ELP3: variants seen among roughly 807,000 people sequenced by gnomAD.
ELP3 encodes elongator complex protein 3.
Under a neutral mutation model 74.9 loss-of-function variants are expected in ELP3, and 56 were observed. That is an observed-to-expected ratio of 0.75 (90% CI 0.60 to 0.93). ELP3 has a LOEUF of 0.93. Among genes scored for constraint, ELP3 ranks in the 40% least tolerant of loss-of-function variants. The pLI is 0.00. For missense variants in ELP3, 573 were observed against 686.5 expected, an observed-to-expected ratio of 0.83 and a Z score of 1.85; for synonymous variants, 222 against 239.8, an observed-to-expected ratio of 0.93 and a Z score of 0.68.
chr8:28,130,069 A>G (rs968619794), intron 8 of ELP3, among the ~76,000 whole-genome samples: 1 of 152,214 alleles, frequency 6.6e-6, no homozygotes, highest in Non-Finnish European at 1.5e-5. Context: ...CCAACTAGCA[A>G]AAAGTTTGGT....
At chr8:28,092,534 G>A (rs141997162), upstream of ELP3, among the ~76,000 whole-genome samples, 30 of 152,230 alleles carry the variant, frequency 2.0e-4, no homozygotes, top group African/African-American at 6.3e-4. Flanking sequence ...CACTGCGCCC[G>A]GCCCTAAGCT....
chr8:28,091,167 A>C (rs1473382431), upstream of ELP3, among the ~76,000 whole-genome samples: 1 of 152,038 alleles, frequency 6.6e-6, no homozygotes, highest in Non-Finnish European at 1.5e-5. Context: ...CGGCCTCCCA[A>C]AGTGCTGGGA....
chr8:28,102,079 G>C (rs1455845447), intron 3 of ELP3, among the ~76,000 whole-genome samples: 1 of 152,096 alleles, frequency 6.6e-6, no homozygotes, highest in African/African-American at 2.4e-5. Flanking sequence ...GATGTTTTCT[G>C]TTGTCCTGGG....
At chr8:28,143,334 T>G (rs764630354) in intron 10 of ELP3, among the ~76,000 whole-genome samples, 1 of 152,244 alleles carries the variant, frequency 6.6e-6, no homozygotes, top group African/African-American at 2.4e-5. Context: ...CCAGAACTTA[T>G]GTTTCTTCCT....
chr8:28,129,057 A>G (rs1028529030), intron 7 of ELP3, among the ~76,000 whole-genome samples: 2 of 151,548 alleles, frequency 1.3e-5, no homozygotes, highest in African/African-American at 4.8e-5. Flanking sequence ...TTTTTCTTTC[A>G]TTTAAAATAT....
At chr8:28,160,183 G>T in intron 12 of ELP3, 46 bp from the exon 13 acceptor site, 1 of 1,546,866 alleles carries the variant, frequency 6.5e-7, no homozygotes. Flanking sequence ...AATGAATTTG[G>T]TTCTTTAATT....
At chr8:28,172,287 G>A in intron 14 of ELP3, among the ~76,000 whole-genome samples, 1 of 151,998 alleles carries the variant, frequency 6.6e-6, no homozygotes, top group Middle Eastern at 3.2e-3. Flanking sequence ...ATGAACACAG[G>A]ATATCCTTCC....
intron 10 of ELP3, among the ~76,000 whole-genome samples, chr8:28,154,524 T>C (rs1395906262): frequency 6.6e-6 from 1 of 152,210 alleles, no homozygotes; most frequent in Non-Finnish European, 1.5e-5. Flanking sequence ...ATCTATATGA[T>C]GTATAGCCAC....
At chr8:28,090,903 C>CTTTTTTTT (rs1563239681), upstream of ELP3, among the ~76,000 whole-genome samples, 2 of 53,146 alleles carry the variant, frequency 3.8e-5, 1 homozygote, top group Non-Finnish European at 7.1e-5. Context: ...GTAAATGTTT[C>CTTTTTTTT]CTTTTTTTTT....
intron 9 of ELP3, among the ~76,000 whole-genome samples, chr8:28,135,425 A>G (rs946724698): frequency 1.1e-4 from 16 of 152,160 alleles, no homozygotes; most frequent in African/African-American, 3.9e-4. Context: ...GAACTCTCCA[A>G]CTTCCTGCTT....
chr8:28,143,009 G>A lies in ELP3; in HGVS notation c.1100+5118G>A, dbSNP rs572939684. Among the ~76,000 whole-genome samples, 11 of 152,200 alleles carry A rather than the reference G, an allele frequency of 7.2e-5. No homozygotes were observed. In the East Asian group the frequency reaches 1.7e-3, roughly 24 times the overall value. The stretch of plus-strand genomic sequence containing the variant: ...CTAAACTATTACTCTGACTGCCTGC[G>A]TAAGAACTCATTCATATTTATTATA... On this transcript the variant is annotated intron_variant, in intron 10 of 14. Coordinates refer to ENST00000256398, the MANE Select transcript of ELP3 (RefSeq NM_018091.6).
chr8:28,188,927 G>A (rs564137327), intron 14 of ELP3, among the ~76,000 whole-genome samples: 3 of 152,040 alleles, frequency 2.0e-5, no homozygotes, highest in Admixed American at 6.6e-5. Flanking sequence ...GGGGCCTTGC[G>A]CTCATCAGAG....
At chr8:28,158,528 C>A (rs537228184) in intron 11 of ELP3, 40 bp from the exon 12 acceptor site, 13 of 1,238,258 alleles carry the variant, frequency 1.0e-5, no homozygotes, top group Admixed American at 1.8e-5. Context: ...TTGTACCCCT[C>A]CCACCCCCCA....
chr8:28,161,883 C>T, intron 13 of ELP3, 114 bp from the exon 14 acceptor site: 1 of 944,224 alleles, frequency 1.1e-6, no homozygotes. Flanking sequence ...TGGGCTTTTT[C>T]ACTCTTAACA....
At chr8:28,139,896 G>A (rs1224569801) in intron 10 of ELP3, among the ~76,000 whole-genome samples, 1 of 152,174 alleles carries the variant, frequency 6.6e-6, no homozygotes, top group East Asian at 1.9e-4. Flanking sequence ...AGTGAGCAGA[G>A]ATCATGCCAT....
chr8:28,123,054 G>A (rs1812435749), intron 7 of ELP3, among the ~76,000 whole-genome samples: 1 of 152,212 alleles, frequency 6.6e-6, no homozygotes, highest in African/African-American at 2.4e-5. Context: ...AACCTGGGAG[G>A]CAGAGGTTGC....
intron 12 of ELP3, among the ~76,000 whole-genome samples, chr8:28,159,396 G>A (rs981323893): frequency 1.3e-5 from 2 of 152,172 alleles, no homozygotes; most frequent in Non-Finnish European, 2.9e-5. Context: ...CCAGATTCTT[G>A]TGCTGTTCAG....
At chr8:28,167,387 T>C (rs1312883537) in intron 14 of ELP3, among the ~76,000 whole-genome samples, 1 of 152,244 alleles carries the variant, frequency 6.6e-6, no homozygotes, top group Non-Finnish European at 1.5e-5. Flanking sequence ...TTGAAGCATT[T>C]AAACTACAAA....
At position 28,093,311 on chromosome 8, in the gene ELP3, AC is replaced by A; in HGVS notation, c.19+79del. The A allele has an allele frequency of 2.5e-6, 4 of 1,579,532 alleles. No homozygotes were observed. In the South Asian group the frequency reaches 4.6e-5, roughly 18 times the overall value. ...CCCAGGCAATCAAATGCTGAACCGA[AC>A]TTTTACCGCGAGAATCCGCTACCCA... is the stretch of plus-strand genomic sequence containing the variant. On this transcript the variant is annotated intron_variant, in intron 1 of 14. Coordinates refer to ENST00000256398, the MANE Select transcript of ELP3 (RefSeq NM_018091.6).
Sources: allele counts gnomAD v4.1 joint callset (sites outside exome capture counted in the v4.1 genomes callset), GRCh38; gene constraint gnomAD v4.1.1; transcripts MANE v1.5; gene names NCBI Gene and HGNC (gene_info 2026-07-23, HGNC 2026-07-21).